Variants in NUP107 observed in about 807,000 individuals in gnomAD.
NUP107 encodes nucleoporin 107, also known as nuclear pore complex protein Nup107.
In NUP107, 101 loss-of-function variants were observed where a neutral mutation model predicts 141.0. The observed-to-expected ratio is 0.72, with a 90% CI of 0.61 to 0.84. The LOEUF is 0.84. Among genes scored for constraint, NUP107 ranks in the 40% least tolerant of loss-of-function variants. The pLI is 0.00. For missense variants in NUP107, 941 were observed against 1,102.7 expected, an observed-to-expected ratio of 0.85 and a Z score of 2.08; for synonymous variants, 319 against 363.9, an observed-to-expected ratio of 0.88 and a Z score of 1.41.
intron 6 of NUP107, among the ~76,000 whole-genome samples, chr12:68,699,961 G>A (rs1291584583): frequency 1.3e-5 from 2 of 152,020 alleles, no homozygotes; most frequent in East Asian, 1.9e-4. Flanking sequence ...GGAGTACAGT[G>A]GCAGGATCCC....
At chr12:68,700,171 T>C (rs1876261023) in intron 6 of NUP107, among the ~76,000 whole-genome samples, 1 of 152,176 alleles carries the variant, frequency 6.6e-6, no homozygotes, top group African/African-American at 2.4e-5. Context: ...CCCAAAGTGC[T>C]GGGATTACAA....
At chr12:68,737,384 G>A (rs1428152970) in intron 26 of NUP107, among the ~76,000 whole-genome samples, 1 of 151,804 alleles carries the variant, frequency 6.6e-6, no homozygotes, top group African/African-American at 2.4e-5. Context: ...GGACAACATG[G>A]GGAAACCCCG....
intron 8 of NUP107, chr12:68,705,694 A>G (rs1273747610): frequency 1.5e-6 from 1 of 649,472 alleles, no homozygotes; most frequent in African/African-American, 1.8e-5. Context: ...AAGGGCCTTC[A>G]GTAGCCATTC....
chr12:68,707,663 GATATA>G (rs1178689562), intron 8 of NUP107, among the ~76,000 whole-genome samples: 12 of 152,226 alleles, frequency 7.9e-5, no homozygotes, highest in South Asian at 2.1e-4. Flanking sequence ...TTCCCTAAGT[GATATA>G]ATATAACAAC....
chr12:68,707,758 A>G (rs990765406), intron 8 of NUP107, among the ~76,000 whole-genome samples: 2 of 152,098 alleles, frequency 1.3e-5, no homozygotes, highest in Non-Finnish European at 2.9e-5. Flanking sequence ...GTTGTTCATT[A>G]TTTTTTTATC....
At chr12:68,722,576 A>G (rs1394143673) in intron 17 of NUP107, among the ~76,000 whole-genome samples, 1 of 152,114 alleles carries the variant, frequency 6.6e-6, no homozygotes, top group Non-Finnish European at 1.5e-5. Context: ...CTACCCCTTT[A>G]TGGTTATTCC....
At position 68,702,769 on chromosome 12, in the gene NUP107, T is replaced by A; in HGVS notation, c.714T>A (p.Ser238Arg). 6.5e-7 allele frequency: 1 copy of A among 1,543,036 alleles called. No individual in the cohort carries two copies. Among genetic ancestry groups the A allele is most frequent in the Non-Finnish European group, 8.8e-7 (1 of 1,139,242 alleles). ...TACAGTCTGCATTAGAAGAGGAAAG[T>A]GTATTCGCAGTTACTGTAAGTTTTA... ...DRIQSALEEE[S>R]VFAVTAVNAS... The change falls in exon 8 of 28, where the codon AGT (serine) becomes AGA (arginine). Residue 238 changes from serine to arginine, a missense_variant. Transcript: ENST00000229179.
intron 8 of NUP107, chr12:68,706,413 T>G (rs1436556410): frequency 9.1e-5 from 85 of 935,260 alleles, no homozygotes; most frequent in Non-Finnish European, 9.2e-5. Context: ...AACAGCATCA[T>G]CGCTGAGGTC....
chr12:68,687,363 T>C (rs931781618), intron 1 of NUP107: 5 of 894,492 alleles, frequency 5.6e-6, no homozygotes, highest in Non-Finnish European at 7.4e-6. Context: ...GCGGGGTAGG[T>C]AGCGCGGCGT....
intron 27 of NUP107, 42 bp downstream of exon 27, chr12:68,742,022 A>T: frequency 6.9e-7 from 1 of 1,445,342 alleles, no homozygotes. Context: ...TAATGATTTG[A>T]TATGCTCTGT....
In NUP107 at chr12:68,733,441, T is replaced by A. The variant is rs773828708; in HGVS notation, c.2102-11T>A. 7 of 1,604,590 alleles carry A rather than the reference T, an allele frequency of 4.4e-6. No homozygotes were observed. The highest frequency in any genetic ancestry group is 6.0e-6 in the Non-Finnish European group (7 of 1,175,446). On this transcript the variant is annotated splice_polypyrimidine_tract_variant and intron_variant, in intron 23 of 27. Coordinates refer to ENST00000229179, the MANE Select transcript of NUP107 (RefSeq NM_020401.4). ...CCGTAGGCATTCAAAATTGTGTATC[T>A]TTTTTCACAGCATCAAAAAAGCACG...
chr12:68,712,706 T>C (rs1350085077), intron 10 of NUP107, among the ~76,000 whole-genome samples: 6 of 151,278 alleles, frequency 4.0e-5, no homozygotes, highest in Admixed American at 3.9e-4. Flanking sequence ...GTTAATCTCC[T>C]TTTTTTTGCT....
chr12:68,729,091 T>C (rs995923295), intron 20 of NUP107, among the ~76,000 whole-genome samples: 1 of 152,202 alleles, frequency 6.6e-6, no homozygotes, highest in Non-Finnish European at 1.5e-5. Context: ...TTTATTGCAG[T>C]ATGCAACTGA....
At chr12:68,740,238 C>T (rs1024597917) in intron 26 of NUP107, 5 of 152,174 alleles carry the variant, frequency 3.3e-5, no homozygotes, top group African/African-American at 7.2e-5. Flanking sequence ...TACATTGGAG[C>T]ACAAATGGAA....
intron 26 of NUP107, among the ~76,000 whole-genome samples, chr12:68,736,852 C>T (rs1878095158): frequency 6.6e-6 from 1 of 151,848 alleles, no homozygotes; most frequent in Admixed American, 6.6e-5. Context: ...CAGGCATCCA[C>T]CACCACACCC....
intron 8 of NUP107, among the ~76,000 whole-genome samples, chr12:68,703,339 A>G (rs1374446205): frequency 6.6e-6 from 1 of 152,202 alleles, no homozygotes; most frequent in Non-Finnish European, 1.5e-5. Flanking sequence ...TTTTCTATGC[A>G]TCTTTATAGA....
chr12:68,735,127 C>T (rs1878011844), intron 25 of NUP107, 104 bp from the exon 26 acceptor site: 2 of 820,268 alleles, frequency 2.4e-6, no homozygotes, highest in East Asian at 5.0e-5. Flanking sequence ...GAAACATCAA[C>T]TCTTTAGAAT....
intron 5 of NUP107, among the ~76,000 whole-genome samples, chr12:68,694,673 G>A (rs931653062): frequency 8.5e-5 from 13 of 152,196 alleles, no homozygotes; most frequent in African/African-American, 2.9e-4. Flanking sequence ...AGGCTGACGC[G>A]GGTGGATCAC....
intron 13 of NUP107, 39 bp from the exon 14 acceptor site, chr12:68,719,539 C>G (rs1192932985): frequency 4.4e-6 from 7 of 1,576,098 alleles, no homozygotes; most frequent in African/African-American, 1.4e-5. Context: ...GTAATAAGGT[C>G]TTATTTTAAA....
Sources: allele counts gnomAD v4.1 joint callset (sites outside exome capture counted in the v4.1 genomes callset), GRCh38; gene constraint gnomAD v4.1.1; transcripts MANE v1.5; gene names NCBI Gene and HGNC (gene_info 2026-07-23, HGNC 2026-07-21).